Variants in PLBD2 observed in about 807,000 individuals in gnomAD.
PLBD2 encodes the protein putative aminopeptidase PLBD2.
Under a neutral mutation model 68.3 loss-of-function variants are expected in PLBD2, and 51 were observed. The ratio of observed to expected loss-of-function variants is 0.75; its 90% CI spans 0.60 to 0.94. The LOEUF (loss-of-function observed/expected upper bound fraction) is 0.94, where lower values mean the gene tolerates loss of function less well. PLBD2 is among the 40% of genes least tolerant of loss of function. PLBD2 has a pLI of 0.00. For synonymous variants in PLBD2, 314 were observed against 339.3 expected (o/e 0.93, Z 0.82); for missense variants, 729 against 792.2 (o/e 0.92, Z 0.96).
At chr12:113,388,056 T>C in intron 11 of PLBD2, 150 bp downstream of exon 11, 1 of 1,059,598 alleles carries the variant, frequency 9.4e-7, no homozygotes, top group South Asian at 1.5e-5. Flanking sequence ...AAGGTGACAG[T>C]ATGGGCTGGG....
rs944861186 is a variant in PLBD2 at position 113,358,624 on chromosome 12, C to T, written c.24C>T (p.Tyr8=). ...TCATGGTGGGCCAGATGTACTGCTA[C>T]CCCGGCAGCCACCTGGCCCGGGCGC... MVGQMYC[Y]PGSHLARALT... is the part of the protein sequence containing the mutation. Residue 8 remains tyrosine, a synonymous_variant, in exon 1 of 12, where the codon TAC becomes TAT. Transcript: ENST00000280800. 71 of 1,468,082 alleles carry T rather than the reference C, an allele frequency of 4.8e-5. No individual in the cohort carries two copies. Among genetic ancestry groups the T allele is most frequent in the Non-Finnish European group, 6.1e-5 (68 of 1,117,570 alleles). 90.9% of individuals were successfully genotyped at this position (1,468,082 alleles called of 1,614,324 possible).
chr12:113,364,501 C>T (rs936769473), intron 1 of PLBD2, among the ~76,000 whole-genome samples: 12 of 151,492 alleles, frequency 7.9e-5, no homozygotes, highest in Non-Finnish European at 1.3e-4. Flanking sequence ...CAGCATCTTG[C>T]TCTATTGTCT....
chr12:113,379,591 A>C (rs550217840), intron 5 of PLBD2, among the ~76,000 whole-genome samples: 115 of 152,290 alleles, frequency 7.6e-4, no homozygotes, highest in African/African-American at 2.6e-3. Flanking sequence ...GCCCTGCTGC[A>C]GACAGTGCAT....
intron 6 of PLBD2, 141 bp from the exon 7 acceptor site, chr12:113,383,964 A>C (rs562876787): frequency 2.9e-6 from 2 of 693,010 alleles, no homozygotes; most frequent in East Asian, 6.2e-5. Context: ...ACACCACTGC[A>C]CTCCAGCCTG....
In PLBD2 at chr12:113,384,451, T is replaced by A. The variant is rs1436407778; in HGVS notation, c.1118+186T>A. ...GATTTGCCCCTCCCCTGCAGGCTCC[T>A]CAGCCTAGGAAGGGGTGCCTTGGTG... On this transcript the variant is annotated intron_variant, in intron 7 of 11. Coordinates refer to ENST00000280800, the MANE Select transcript of PLBD2 (RefSeq NM_173542.4). The surrounding 1 kb of genome is among the most constrained non-coding windows in gnomAD (Gnocchi z 4.2). 1.3e-5 allele frequency among the ~76,000 whole-genome samples: 2 copies of A among 152,154 alleles called. No individual in the cohort carries two copies.
intron 1 of PLBD2, among the ~76,000 whole-genome samples, chr12:113,366,869 T>G (rs1957347029): frequency 6.7e-6 from 1 of 149,984 alleles, no homozygotes; most frequent in Non-Finnish European, 1.5e-5. Flanking sequence ...TCACCCAGGC[T>G]GGAGTGCAGT....
chr12:113,385,222 G>A lies in PLBD2; in HGVS notation c.1225G>A (p.Val409Met). ...TILEQIPGMVVVADKTSELYQ... is the reference protein window; with the variant it reads ...TILEQIPGMVMVADKTSELYQ... Reference sequence around the variant, plus strand: ...TCTTCTCGGTCTCAGCGGCATGGTGGTGGTGGCTGACAAGACCTCGGAGCT... The same window carrying A: ...TCTTCTCGGTCTCAGCGGCATGGTGATGGTGGCTGACAAGACCTCGGAGCT... The change falls in exon 9 of 12, where the codon GTG (valine) becomes ATG (methionine). Residue 409 changes from valine to methionine, a missense_variant. Physicochemically the swap from Val to Met is conservative, Grantham distance 21 (BLOSUM62 1). Coordinates refer to ENST00000280800, the MANE Select transcript of PLBD2 (RefSeq NM_173542.4). 6.2e-7 allele frequency: 1 copy of A among 1,614,180 alleles called. No homozygotes were observed. The highest frequency in any genetic ancestry group is 8.5e-7 in the Non-Finnish European group (1 of 1,180,002).
In PLBD2 at chr12:113,386,943, C is replaced by A. The variant is rs183678191; in HGVS notation, c.1293C>A (p.Phe431Leu). Reference sequence around the variant, plus strand: ...CCATCCTTGTCCCCGGCAGGTCCTTCGAGACTGTGTTCAATGCCAGTGGGC... The same window carrying A: ...CCATCCTTGTCCCCGGCAGGTCCTTAGAGACTGTGTTCAATGCCAGTGGGC... ...TYWASYNIPS[F>L]ETVFNASGLQ... is the part of the protein sequence containing the mutation. The change falls in exon 10 of 12, where the codon TTC (phenylalanine) becomes TTA (leucine). Residue 431 changes from phenylalanine to leucine, a missense_variant. Physicochemically the swap from Phe to Leu is conservative, Grantham distance 22. Transcript: ENST00000280800. 6.2e-7 allele frequency: 1 copy of A among 1,612,984 alleles called. No homozygotes were observed. The highest frequency in any genetic ancestry group is 1.3e-5 in the African/African-American group (1 of 74,906).
Position 113,375,032 on chromosome 12 carries a change from G to A in PLBD2, c.859+25G>A, listed in dbSNP as rs528859360. 1.9e-6 allele frequency: 3 copies of A among 1,609,852 alleles called. No individual in the cohort carries two copies. The Admixed American group carries it at 5.0e-5, about 27-fold the overall frequency. The stretch of plus-strand genomic sequence containing the variant: ...GGTAGGTGGGTGTGGGTGTGTCTGG[G>A]GGATGAGCAGGTGGGTGGGCACACA... On this transcript the variant is annotated intron_variant, in intron 5 of 11. Transcript: ENST00000280800.
chr12:113,375,261 T>C, intron 5 of PLBD2: 1 of 510,734 alleles, frequency 2.0e-6, no homozygotes, highest in East Asian at 3.5e-5. Flanking sequence ...TCCTCCTGCC[T>C]CAGCCTCCCA....
chr12:113,388,299 G>A (rs1296460784), intron 11 of PLBD2, among the ~76,000 whole-genome samples, 160 bp from the exon 12 acceptor site: 3 of 151,814 alleles, frequency 2.0e-5, no homozygotes, highest in African/African-American at 4.8e-5. Context: ...CCAAGATCAC[G>A]TCACTGCACT....
rs1175285086 is a variant in PLBD2, at chr12:113,358,832, G to T, written c.232G>T (p.Gly78Ter). 1.3e-6 allele frequency: 2 copies of T among 1,515,672 alleles called. No homozygotes were observed. The highest frequency in any genetic ancestry group is 1.8e-6 in the Non-Finnish European group (2 of 1,134,050). The allele number at this position is 1,515,672 out of a possible 1,614,324, so 93.9% of individuals were successfully genotyped here. A position where few individuals can be genotyped will look rare whatever the true frequency, so the allele number is the denominator to read the frequency against. Residue 78 changes from glycine to a stop codon, truncating the protein, a stop_gained, in exon 1 of 12, where the codon GGA becomes TGA. Coordinates refer to ENST00000280800, the MANE Select transcript of PLBD2 (RefSeq NM_173542.4). LOFTEE classifies it high-confidence loss of function. ...GGCGGGCCAGCTGCTTATGGTGGACGGACGCCACCCTGACGCCGTGGCCTG... is the reference window on the plus strand; with the variant it reads ...GGCGGGCCAGCTGCTTATGGTGGACTGACGCCACCCTGACGCCGTGGCCTG... ...VSAGQLLMVD[G>*]RHPDAVAWAN...
Position 113,384,523 on chromosome 12 carries a change from G to C in PLBD2, c.1118+258G>C, listed in dbSNP as rs1957530082. On this transcript the variant is annotated intron_variant, in intron 7 of 11. Coordinates refer to ENST00000280800, the MANE Select transcript of PLBD2 (RefSeq NM_173542.4). This position sits in a 1 kb window ranked among gnomAD's most constrained non-coding sequence, Gnocchi z 4.2. ...GAACCTGAAGACTCTCAAGGGGACA[G>C]TGGGGAGGGCTGTTTGAGGAGGTGG... Among the ~76,000 whole-genome samples the C allele has an allele frequency of 6.6e-6, 1 of 152,226 alleles. No homozygotes were observed. Among genetic ancestry groups the C allele is most frequent in the South Asian group, 2.1e-4 (1 of 4,836 alleles).
At chr12:113,364,461 C>A (rs967265596) in intron 1 of PLBD2, among the ~76,000 whole-genome samples, 2 of 151,194 alleles carry the variant, frequency 1.3e-5, no homozygotes, top group African/African-American at 4.9e-5. Context: ...ACTCCTACCC[C>A]CTCAGATTCT....
At chr12:113,374,242 T>C (rs564361106) in intron 3 of PLBD2, among the ~76,000 whole-genome samples, 17 of 152,138 alleles carry the variant, frequency 1.1e-4, no homozygotes, top group Admixed American at 3.3e-4. Flanking sequence ...GGGGCTGATT[T>C]GGGGTTAACA....
chr12:113,388,730 C>T lies in PLBD2; in HGVS notation c.*104C>T, dbSNP rs35106464. ...TAACTCCAGCCCCTCCTGGGGGCTT[C>T]GTTCTCTGATCTGGGGTCTGAGTCA... On this transcript the variant is annotated 3_prime_UTR_variant, in exon 12 of 12. Transcript: ENST00000280800. 49,791 of 1,273,664 alleles carry T rather than the reference C, an allele frequency of 0.039. 1,204 individuals are homozygous for T. Among genetic ancestry groups the T allele is most frequent in the East Asian group, 0.09 (3,369 of 37,258 alleles). The allele number at this position is 1,273,664 out of a possible 1,614,324, so 78.9% of individuals were successfully genotyped here. A position where few individuals can be genotyped will look rare whatever the true frequency, so the allele number is the denominator to read the frequency against.
chr12:113,360,557 A>G (rs1246888367), intron 1 of PLBD2, among the ~76,000 whole-genome samples: 3 of 152,198 alleles, frequency 2.0e-5, no homozygotes, highest in Non-Finnish European at 4.4e-5. Flanking sequence ...CCTTGGGCAA[A>G]TCCCTTCACC....
intron 3 of PLBD2, 58 bp from the exon 4 acceptor site, chr12:113,374,415 GA>G (rs1957418430): frequency 2.6e-6 from 3 of 1,164,106 alleles, no homozygotes; most frequent in Non-Finnish European, 3.8e-6. Flanking sequence ...CGTTGAAGGA[GA>G]AGGTGTGAGC....
chr12:113,385,697 A>G (rs1399787736), intron 9 of PLBD2, among the ~76,000 whole-genome samples: 1 of 152,260 alleles, frequency 6.6e-6, no homozygotes, highest in Non-Finnish European at 1.5e-5. Flanking sequence ...GCCCTGAGAA[A>G]GTACCTCACT....
Sources: allele counts gnomAD v4.1 joint callset (sites outside exome capture counted in the v4.1 genomes callset), GRCh38; gene constraint gnomAD v4.1.1; non-coding constraint Gnocchi (gnomAD v3.1); transcripts MANE v1.5; gene names NCBI Gene and HGNC (gene_info 2026-07-23, HGNC 2026-07-21).